ITPR2: variants seen among roughly 807,000 people sequenced by gnomAD.
ITPR2 encodes inositol 1,4,5-trisphosphate receptor type 2, also known as inositol 1,4,5-trisphosphate-gated calcium channel ITPR2.
In ITPR2, 207 loss-of-function variants were observed where a neutral mutation model predicts 317.1. The observed-to-expected ratio is 0.65, with a 90% CI of 0.58 to 0.73. ITPR2 has a LOEUF of 0.73. ITPR2 is among the 30% of genes least tolerant of loss of function. The pLI, the probability that ITPR2 is intolerant of heterozygous loss-of-function variation, is 0.00. For synonymous variants in ITPR2, 1,156 were observed against 1,149.1 expected (o/e 1.01, Z -0.12); for missense variants, 2,613 against 3,284.0 (o/e 0.80, Z 4.99).
At chr12:26,495,367 G>T (rs1942909412) in intron 37 of ITPR2, 107 bp from the exon 38 acceptor site, 3 of 584,530 alleles carry the variant, frequency 5.1e-6, no homozygotes, top group East Asian at 6.4e-5. Context: ...GTTGAGGCAT[G>T]GAAAAATTAA....
chr12:26,431,426 C>A (rs554579271), intron 48 of ITPR2, among the ~76,000 whole-genome samples: 1 of 152,262 alleles, frequency 6.6e-6, no homozygotes, highest in East Asian at 1.9e-4. Context: ...ACCAGTGTAG[C>A]CTCATTCCTC....
chr12:26,823,009 G>C (rs1012824820), intron 1 of ITPR2, among the ~76,000 whole-genome samples: 2 of 152,116 alleles, frequency 1.3e-5, no homozygotes, highest in East Asian at 3.9e-4. Flanking sequence ...TCAATCATGG[G>C]CATAGATTTG....
chr12:26,721,405 C>T, intron 5 of ITPR2: 2 of 503,188 alleles, frequency 4.0e-6, no homozygotes, highest in Admixed American at 3.3e-5. Flanking sequence ...TAAAGACATT[C>T]CTAAGACAAG....
At chr12:26,561,698 T>C in intron 35 of ITPR2, 64 bp downstream of exon 35, 2 of 1,267,176 alleles carry the variant, frequency 1.6e-6, no homozygotes, top group Non-Finnish European at 2.1e-6. Flanking sequence ...TTTATTTATG[T>C]GACTACATAT....
At chr12:26,388,311 T>C (rs1023259833) in intron 54 of ITPR2, among the ~76,000 whole-genome samples, 39 of 152,186 alleles carry the variant, frequency 2.6e-4, no homozygotes, top group Admixed American at 1.4e-3. Context: ...TATGGAAACA[T>C]GAATTTGAGT....
Position 26,710,379 on chromosome 12 carries a change from G to A in ITPR2, c.951+794C>T, listed in dbSNP as rs1209088905. ...CCAGAAGAAGAAATTGGAGTGTAGT[G>A]TGATTAATTTGCCCAATATGTCTCC... On this transcript the variant is annotated intron_variant, in intron 9 of 56. Coordinates refer to ENST00000381340, the MANE Select transcript of ITPR2 (RefSeq NM_002223.4). Among the ~76,000 whole-genome samples, 4 of 152,294 alleles carry A rather than the reference G, an allele frequency of 2.6e-5. No individual in the cohort carries two copies. In the South Asian group the frequency reaches 8.3e-4, roughly 32 times the overall value.
At chr12:26,343,997 A>G (rs1283421182) in intron 55 of ITPR2, among the ~76,000 whole-genome samples, 2 of 152,226 alleles carry the variant, frequency 1.3e-5, no homozygotes, top group Non-Finnish European at 2.9e-5. Flanking sequence ...AGATGTGATT[A>G]GACTATGAGG....
intron 26 of ITPR2, among the ~76,000 whole-genome samples, chr12:26,611,731 G>C (rs1020632532): frequency 6.6e-6 from 1 of 152,142 alleles, no homozygotes; most frequent in East Asian, 1.9e-4. Context: ...CAATGCCCAC[G>C]TGACCTGCAT....
chr12:26,343,115 T>C (rs2343793), intron 55 of ITPR2, among the ~76,000 whole-genome samples: 147,552 of 152,162 alleles, frequency 0.97, 71,708 homozygotes, highest in Non-Finnish European at 1. Context: ...CTTGTGTAGC[T>C]TTCAGAACCA....
intron 1 of ITPR2, among the ~76,000 whole-genome samples, chr12:26,816,997 G>C (rs1950867568): frequency 6.6e-6 from 1 of 151,920 alleles, no homozygotes; most frequent in African/African-American, 2.4e-5. Context: ...GGCTAACACG[G>C]TGAAACCCCA....
intron 52 of ITPR2, among the ~76,000 whole-genome samples, chr12:26,407,298 C>T (rs1479573213): frequency 2.0e-5 from 3 of 152,106 alleles, no homozygotes; most frequent in Non-Finnish European, 4.4e-5. Context: ...TGAATAACAT[C>T]CAAACAGAAC....
In ITPR2 at chr12:26,565,527, TAGAC is replaced by T. The variant is rs35666334; in HGVS notation, c.4631-3579_4631-3576del. Among the ~76,000 whole-genome samples, 505 of 139,782 alleles carry T rather than the reference TAGAC, an allele frequency of 3.6e-3. 1 individual carries two copies. Among genetic ancestry groups the T allele is most frequent in the East Asian group, 0.013 (58 of 4,380 alleles). 91.7% of individuals were successfully genotyped at this position (139,782 alleles called of 152,430 possible). On this transcript the variant is annotated intron_variant, in intron 34 of 56. Transcript: ENST00000381340. The stretch of plus-strand genomic sequence containing the variant: ...ATAGATAGATAGATAGATAGATAGA[TAGAC>T]AGACAGACAGATAGATAGATAATCT...
intron 54 of ITPR2, among the ~76,000 whole-genome samples, chr12:26,390,205 T>C (rs1393967814): frequency 6.6e-6 from 1 of 152,180 alleles, no homozygotes; most frequent in East Asian, 1.9e-4. Context: ...GTTTGGCAAT[T>C]CCTCAAATGG....
At chr12:26,344,246 G>C (rs1421037505) in intron 55 of ITPR2, among the ~76,000 whole-genome samples, 1 of 152,138 alleles carries the variant, frequency 6.6e-6, no homozygotes, top group African/African-American at 2.4e-5. Flanking sequence ...AACAGACTAA[G>C]ACAGGGCTCC....
intron 37 of ITPR2, among the ~76,000 whole-genome samples, chr12:26,503,549 T>C (rs2136896974): frequency 6.6e-6 from 1 of 152,324 alleles, no homozygotes; most frequent in East Asian, 1.9e-4. Context: ...GCAATGACAA[T>C]GCACGTTAGT....
At chr12:26,422,245 C>T (rs951678078) in intron 49 of ITPR2, among the ~76,000 whole-genome samples, 2 of 149,632 alleles carry the variant, frequency 1.3e-5, no homozygotes, top group Middle Eastern at 3.2e-3. Flanking sequence ...TATGAAAATA[C>T]TACTTAATTA....
chr12:26,457,228 A>G (rs758156410), intron 45 of ITPR2, among the ~76,000 whole-genome samples: 3 of 152,248 alleles, frequency 2.0e-5, no homozygotes, highest in Non-Finnish European at 4.4e-5. Context: ...GTTAGAGACC[A>G]TTTTAACAGA....
intron 37 of ITPR2, among the ~76,000 whole-genome samples, chr12:26,523,542 G>A (rs1410539390): frequency 7.1e-6 from 1 of 141,424 alleles, no homozygotes; most frequent in Non-Finnish European, 1.6e-5. Context: ...TTTTTAAAAA[G>A]CCTACTGCTA....
chr12:26,691,971 C>A (rs762020419), intron 10 of ITPR2, among the ~76,000 whole-genome samples: 5 of 152,136 alleles, frequency 3.3e-5, no homozygotes, highest in Non-Finnish European at 5.9e-5. Flanking sequence ...CAAACTGCTA[C>A]TCTCCAATTA....
Sources: gnomAD v4.1 joint callset for allele counts (sites outside exome capture counted in the v4.1 genomes callset) on GRCh38, gnomAD v4.1.1 for gene constraint, MANE v1.5 for transcripts, NCBI Gene and HGNC (gene_info 2026-07-23, HGNC 2026-07-21) for gene names.